AMBRA1: variants seen among roughly 807,000 people sequenced by gnomAD.
AMBRA1 encodes the protein autophagy and beclin 1 regulator 1.
AMBRA1 carries 47 observed loss-of-function variants against 125.4 expected under a neutral mutation model. The observed-to-expected ratio is 0.37, with a 90% confidence interval of 0.30 to 0.48. AMBRA1 has a LOEUF of 0.48. Among genes scored for constraint, AMBRA1 ranks in the 20% least tolerant of loss-of-function variants. The pLI is 0.99. For synonymous variants in AMBRA1, 626 were observed against 655.5 expected (o/e 0.95, Z 0.69); for missense variants, 1,331 against 1,693.4 (o/e 0.79, Z 3.76).
intron 1 of AMBRA1, among the ~76,000 whole-genome samples, chr11:46,569,942 CAG>C (rs1373284887): frequency 2.0e-5 from 3 of 151,996 alleles, no homozygotes. Flanking sequence ...GCCTGGGTGA[CAG>C]AGTGAGACTT....
chr11:46,502,241 C>T lies in AMBRA1; in HGVS notation c.2339+5950G>A, dbSNP rs1404529871. Among the ~76,000 whole-genome samples, 10 of 152,104 alleles carry T rather than the reference C, an allele frequency of 6.6e-5. No individual in the cohort carries two copies. The South Asian group carries it at 1.7e-3, about 25-fold the overall frequency. ...ACTATAGGTGGAGAAGTTTTTGTCT[C>T]GTTCCACATTAAGAACTAATTTTGT... On this transcript the variant is annotated intron_variant, in intron 9 of 17. Transcript: ENST00000683756.
chr11:46,584,025 A>G (rs2044278379), intron 1 of AMBRA1, among the ~76,000 whole-genome samples: 2 of 147,066 alleles, frequency 1.4e-5, no homozygotes, highest in African/African-American at 2.5e-5. Flanking sequence ...ATTACTGGGT[A>G]TATACCCAAA....
chr11:46,475,455 T>C (rs138578536), intron 11 of AMBRA1, among the ~76,000 whole-genome samples: 1 of 152,364 alleles, frequency 6.6e-6, no homozygotes, highest in Non-Finnish European at 1.5e-5. Flanking sequence ...CATGTATTAG[T>C]TTGCTGTATT....
intron 1 of AMBRA1, among the ~76,000 whole-genome samples, chr11:46,587,137 T>C (rs1411281801): frequency 6.6e-6 from 1 of 152,172 alleles, no homozygotes; most frequent in African/African-American, 2.4e-5. Context: ...CCCAACATGT[T>C]GGGAGGCCAA....
At chr11:46,462,293 A>G (rs920113406) in intron 11 of AMBRA1, among the ~76,000 whole-genome samples, 1 of 152,178 alleles carries the variant, frequency 6.6e-6, no homozygotes, top group Non-Finnish European at 1.5e-5. Flanking sequence ...AAAACCTGCA[A>G]GCTTCTCTAT....
rs143447460 is a variant in AMBRA1, at chr11:46,490,536, G to A, written c.2521+3072C>T. On this transcript the variant is annotated intron_variant, in intron 11 of 17. Coordinates refer to ENST00000683756, the MANE Select transcript of AMBRA1 (RefSeq NM_001387011.1). ...GAAGTAGAACGGATCTTGATTTTCC[G>A]CAAACCCATTTTTGTTGATGATTCT... Among the ~76,000 whole-genome samples the A allele has an allele frequency of 7.3e-3, 1,108 of 151,834 alleles. 21 individuals are homozygous for A. The highest frequency in any genetic ancestry group is 0.026 in the African/African-American group (1,073 of 41,374).
At chr11:46,581,127 A>T (rs986333494) in intron 1 of AMBRA1, among the ~76,000 whole-genome samples, 1 of 152,046 alleles carries the variant, frequency 6.6e-6, no homozygotes, top group Non-Finnish European at 1.5e-5. Context: ...ATATAAGGTC[A>T]TGATACTCAT....
At chr11:46,457,595 G>A (rs1000237250) in intron 11 of AMBRA1, among the ~76,000 whole-genome samples, 3 of 152,128 alleles carry the variant, frequency 2.0e-5, no homozygotes, top group Non-Finnish European at 4.4e-5. Flanking sequence ...ATTTGGTGGT[G>A]ACGGTTGCTT....
intron 1 of AMBRA1, among the ~76,000 whole-genome samples, chr11:46,584,211 A>G (rs2044284920): frequency 6.8e-6 from 1 of 146,522 alleles, no homozygotes; most frequent in Non-Finnish European, 1.5e-5. Flanking sequence ...TGATGAGTTC[A>G]TGTCCTTTGT....
chr11:46,566,447 A>G (rs920948385), intron 1 of AMBRA1, among the ~76,000 whole-genome samples: 9 of 152,112 alleles, frequency 5.9e-5, no homozygotes, highest in African/African-American at 2.2e-4. Context: ...GGAGCTATTG[A>G]TAATATAACT....
At chr11:46,459,529 G>T (rs1179705996) in intron 11 of AMBRA1, among the ~76,000 whole-genome samples, 1 of 152,020 alleles carries the variant, frequency 6.6e-6, no homozygotes, top group Non-Finnish European at 1.5e-5. Flanking sequence ...TGGCCAACAT[G>T]GTGAAACCCC....
intron 12 of AMBRA1, among the ~76,000 whole-genome samples, chr11:46,438,665 T>C (rs990549956): frequency 1.3e-5 from 2 of 152,174 alleles, no homozygotes; most frequent in African/African-American, 4.8e-5. Flanking sequence ...GAAGGCACTA[T>C]ATCCCCTGTG....
chr11:46,537,135 A>G (rs1952514131), intron 7 of AMBRA1, among the ~76,000 whole-genome samples: 1 of 152,254 alleles, frequency 6.6e-6, no homozygotes. Context: ...TTTCTCCTAG[A>G]AGCATTGTGT....
At chr11:46,466,682 A>G (rs1218647024) in intron 11 of AMBRA1, among the ~76,000 whole-genome samples, 1 of 152,188 alleles carries the variant, frequency 6.6e-6, no homozygotes, top group Admixed American at 6.5e-5. Flanking sequence ...TTGAGTAAGT[A>G]AATTACACAG....
Position 46,507,984 on chromosome 11 carries a change from C to T in AMBRA1, c.2339+207G>A, listed in dbSNP as rs562423468. On this transcript the variant is annotated intron_variant, in intron 9 of 17. Transcript: ENST00000683756. ...CCAATGGGAGGTCTCTGTCCTCGCGCGCCAGTGAATCAGCAAAGCAACTGC... is the reference window on the plus strand; with the variant it reads ...CCAATGGGAGGTCTCTGTCCTCGCGTGCCAGTGAATCAGCAAAGCAACTGC... 2.6e-5 allele frequency among the ~76,000 whole-genome samples: 4 copies of T among 152,324 alleles called. No individual in the cohort carries two copies. In the East Asian group the frequency reaches 5.8e-4, roughly 22 times the overall value.
intron 1 of AMBRA1, among the ~76,000 whole-genome samples, chr11:46,561,251 C>G (rs1161561751): frequency 6.6e-6 from 1 of 151,950 alleles, no homozygotes. Context: ...CGTGGTGTCA[C>G]GCGCCTGTAA....
At chr11:46,492,358 A>G (rs1311805813) in intron 11 of AMBRA1, among the ~76,000 whole-genome samples, 3 of 152,264 alleles carry the variant, frequency 2.0e-5, no homozygotes, top group Non-Finnish European at 4.4e-5. Context: ...GTTAGAAATC[A>G]TAAGATAAAG....
chr11:46,455,485 C>T (rs1385423106), intron 11 of AMBRA1, among the ~76,000 whole-genome samples: 1 of 152,170 alleles, frequency 6.6e-6, no homozygotes, highest in Non-Finnish European at 1.5e-5. Flanking sequence ...CACACAAAGA[C>T]ATTCACAGAC....
intron 11 of AMBRA1, among the ~76,000 whole-genome samples, chr11:46,485,524 A>C (rs1367581573): frequency 6.6e-6 from 1 of 152,224 alleles, no homozygotes; most frequent in Non-Finnish European, 1.5e-5. Flanking sequence ...GCAGGGCTAA[A>C]ACAAAACATA....
Sources: gnomAD v4.1 joint callset for allele counts (sites outside exome capture counted in the v4.1 genomes callset) on GRCh38, gnomAD v4.1.1 for gene constraint, MANE v1.5 for transcripts, NCBI Gene and HGNC (gene_info 2026-07-23, HGNC 2026-07-21) for gene names.